BANP: variants seen among roughly 807,000 people sequenced by gnomAD.
BANP encodes protein BANP.
Under a neutral mutation model 68.1 loss-of-function variants are expected in BANP, and 11 were observed. The observed-to-expected ratio is 0.16, with a 90% CI of 0.10 to 0.27. The LOEUF (loss-of-function observed/expected upper bound fraction) is 0.27, where lower values mean the gene tolerates loss of function less well. Ranked by LOEUF, BANP falls within the 10% of genes least tolerant of loss-of-function variation. BANP has a pLI of 1.00. For synonymous variants in BANP, 329 were observed against 303.2 expected (o/e 1.09, Z -0.88); for missense variants, 504 against 722.7 (o/e 0.70, Z 3.47).
chr16:88,041,418 G>C (rs2080762662), intron 11 of BANP, among the ~76,000 whole-genome samples: 2 of 152,142 alleles, frequency 1.3e-5, no homozygotes, highest in African/African-American at 2.4e-5. Flanking sequence ...CATTCTTTTT[G>C]AGTCATGTTT....
intron 11 of BANP, among the ~76,000 whole-genome samples, chr16:88,063,213 T>C (rs2087394463): frequency 6.6e-6 from 1 of 152,240 alleles, no homozygotes; most frequent in Non-Finnish European, 1.5e-5. Context: ...GCCCTTGTGG[T>C]ATCTGCTGAC....
rs1328814629 is a variant in BANP at position 87,976,548 on chromosome 16, C to T, written c.70+1363C>T. 2.1e-5 allele frequency among the ~76,000 whole-genome samples: 3 copies of T among 144,982 alleles called. 1 individual carries two copies. Among genetic ancestry groups the T allele is most frequent in the African/African-American group, 7.7e-5 (3 of 38,862 alleles). ...TAAGTTTGAAGTGACCAGCCCACCA[C>T]AGTTAAGTCACTGAGTGTTTCAGTT... On this transcript the variant is annotated intron_variant, in intron 2 of 13. Transcript: ENST00000682872.
At chr16:87,998,905 G>T (rs1363472060) in intron 4 of BANP, among the ~76,000 whole-genome samples, 41 of 42,636 alleles carry the variant, frequency 9.6e-4, no homozygotes, top group African/African-American at 1.4e-3. Flanking sequence ...TACTTACCAG[G>T]CCTTCCAGAC....
intron 7 of BANP, among the ~76,000 whole-genome samples, chr16:88,022,367 G>T (rs1432949291): frequency 1.3e-5 from 2 of 152,228 alleles, no homozygotes; most frequent in Non-Finnish European, 2.9e-5. Flanking sequence ...GAATGCTGCT[G>T]TGGATGGCCG....
At chr16:87,990,227 CAATT>C (rs1282623751) in intron 4 of BANP, among the ~76,000 whole-genome samples, 12 of 152,106 alleles carry the variant, frequency 7.9e-5, no homozygotes, top group African/African-American at 2.9e-4. Context: ...GAACATTAAA[CAATT>C]AAAGAACTAG....
chr16:88,037,818 G>T, intron 10 of BANP, 155 bp from the exon 11 acceptor site: 1 of 670,054 alleles, frequency 1.5e-6, no homozygotes, highest in Non-Finnish European at 2.7e-6. Flanking sequence ...TTTTGTTTTG[G>T]GGCTTTTGTT....
chr16:88,059,276 A>G (rs998703281), intron 11 of BANP, among the ~76,000 whole-genome samples: 1 of 151,046 alleles, frequency 6.6e-6, no homozygotes, highest in Non-Finnish European at 1.5e-5. Context: ...AGGTGTGTGA[A>G]GGTGTGGAGA....
chr16:88,027,401 G>T (rs1023684150), intron 7 of BANP, 82 bp from the exon 8 acceptor site: 2 of 1,524,862 alleles, frequency 1.3e-6, no homozygotes, highest in East Asian at 4.5e-5. Flanking sequence ...CCTCTTCAGC[G>T]GGCCCCGGCC....
intron 6 of BANP, among the ~76,000 whole-genome samples, chr16:88,006,983 G>A (rs555167217): frequency 6.7e-6 from 1 of 149,020 alleles, no homozygotes; most frequent in South Asian, 2.1e-4. Context: ...TAGTGATACA[G>A]TATAAACATG....
chr16:87,955,714 C>T lies in BANP; in HGVS notation c.-69+4199C>T, dbSNP rs113778667. Among the ~76,000 whole-genome samples the T allele has an allele frequency of 4.5e-3, 688 of 152,184 alleles. 5 individuals are homozygous for T. The highest frequency in any genetic ancestry group is 0.016 in the African/African-American group (659 of 41,496). On this transcript the variant is annotated intron_variant, in intron 1 of 13. Transcript: ENST00000682872. ...AGGGAAAAATAAAACTGTAGCCTCTCGGTGGAAAAACCCAGCAGATACTGT... is the reference window on the plus strand; with the variant it reads ...AGGGAAAAATAAAACTGTAGCCTCTTGGTGGAAAAACCCAGCAGATACTGT...
intron 12 of BANP, among the ~76,000 whole-genome samples, chr16:88,069,691 C>T (rs2089807030): frequency 6.6e-6 from 1 of 152,220 alleles, no homozygotes; most frequent in Admixed American, 6.5e-5. Context: ...GGGCCAGCAG[C>T]CCCTTTGTCA....
Position 88,076,743 on chromosome 16 carries a change from A to C in BANP, c.*82A>C. 8.5e-7 allele frequency: 1 copy of C among 1,182,700 alleles called. No individual in the cohort carries two copies. Among genetic ancestry groups the C allele is most frequent in the Non-Finnish European group, 1.2e-6 (1 of 849,672 alleles). 73.3% of individuals were successfully genotyped at this position (1,182,700 alleles called of 1,614,324 possible). A position where few individuals can be genotyped will look rare whatever the true frequency, so the allele number is the denominator to read the frequency against. ...CGCGCCCTGCTCTCACGGCCTCGGC[A>C]CAGGCAGCGGCTGCACGTGTTCTGC... On this transcript the variant is annotated 3_prime_UTR_variant, in exon 14 of 14. Transcript: ENST00000682872.
At position 87,990,874 on chromosome 16, in the gene BANP, T is replaced by G. The variant is rs1210522685; in HGVS notation, c.362+6615T>G. 2.0e-5 allele frequency among the ~76,000 whole-genome samples: 3 copies of G among 152,182 alleles called. No homozygotes were observed. The East Asian group carries it at 5.8e-4, about 29-fold the overall frequency. ...GCCTCCCAGGTTCACGCCATTCTCC[T>G]GCTTCAGCCTCCCCACTAGCTGGGA... On this transcript the variant is annotated intron_variant, in intron 4 of 13. Coordinates refer to ENST00000682872, the MANE Select transcript of BANP (RefSeq NM_001386991.1).
At chr16:88,061,495 G>C (rs1355642061) in intron 11 of BANP, among the ~76,000 whole-genome samples, 1 of 152,184 alleles carries the variant, frequency 6.6e-6, no homozygotes, top group Non-Finnish European at 1.5e-5. Flanking sequence ...TTTGTGAAAA[G>C]CATTAGAAAT....
chr16:88,075,520 C>T (rs987933750), intron 13 of BANP, among the ~76,000 whole-genome samples: 2 of 152,112 alleles, frequency 1.3e-5, no homozygotes, highest in African/African-American at 4.8e-5. Flanking sequence ...TAAAATGAAG[C>T]AGGACCTTAA....
At chr16:88,073,643 C>T (rs2090937491) in intron 13 of BANP, among the ~76,000 whole-genome samples, 1 of 152,194 alleles carries the variant, frequency 6.6e-6, no homozygotes, top group South Asian at 2.1e-4. Context: ...AACAGTCAGG[C>T]GTGGCTGCCT....
chr16:87,989,641 A>G, intron 4 of BANP, among the ~76,000 whole-genome samples: 1 of 110,008 alleles, frequency 9.1e-6, no homozygotes. Context: ...GACACAGGAC[A>G]CAGGGCGGGT....
chr16:88,003,601 C>T lies in BANP; in HGVS notation c.363-694C>T, dbSNP rs1373789795. The T allele has an allele frequency of 4.4e-6, 2 of 453,138 alleles. No individual in the cohort carries two copies. Among genetic ancestry groups the T allele is most frequent in the African/African-American group, 4.0e-5 (2 of 50,012 alleles). The allele number at this position is 453,138 out of a possible 1,614,324, so 28.1% of individuals were successfully genotyped here. A position where few individuals can be genotyped will look rare whatever the true frequency, so the allele number is the denominator to read the frequency against. On this transcript the variant is annotated intron_variant, in intron 4 of 13. Coordinates refer to ENST00000682872, the MANE Select transcript of BANP (RefSeq NM_001386991.1). This position sits in a 1 kb window ranked among gnomAD's most constrained non-coding sequence, Gnocchi z 6.1. ...TTTGAGATGAAGCTGTGTTAGCTGC[C>T]GCCTGTCTGAACACACTCGTGCTTC...
At chr16:88,076,513 C>T (rs1403795379) in intron 13 of BANP, 77 bp from the exon 14 acceptor site, 2 of 1,308,470 alleles carry the variant, frequency 1.5e-6, no homozygotes, top group African/African-American at 2.9e-5. Flanking sequence ...CTTAAAGTCA[C>T]TGGCTGTTCA....
Sources: allele counts gnomAD v4.1 joint callset (sites outside exome capture counted in the v4.1 genomes callset), GRCh38; gene constraint gnomAD v4.1.1; non-coding constraint Gnocchi (gnomAD v3.1); transcripts MANE v1.5; gene names NCBI Gene and HGNC (gene_info 2026-07-23, HGNC 2026-07-21).